Variants in DAB1 observed in about 807,000 individuals in gnomAD.
DAB1 encodes disabled homolog 1.
DAB1 carries 15 observed loss-of-function variants against 64.6 expected under a neutral mutation model. The ratio of observed to expected loss-of-function variants is 0.23; its 90% CI spans 0.16 to 0.36. The LOEUF is 0.36. DAB1 is among the 10% of genes least tolerant of loss of function. The pLI is 1.00. For synonymous variants in DAB1, 235 were observed against 251.9 expected (o/e 0.93, Z 0.64); for missense variants, 596 against 706.7 (o/e 0.84, Z 1.78).
chr1:57,528,426 G>T (rs1286753482), intron 7 of DAB1, among the ~76,000 whole-genome samples: 1 of 152,076 alleles, frequency 6.6e-6, no homozygotes, highest in East Asian at 1.9e-4. Flanking sequence ...ATTTCAGAAT[G>T]AGAGGAGAGA....
intron 7 of DAB1, among the ~76,000 whole-genome samples, chr1:57,573,395 T>C (rs997162536): frequency 6.6e-6 from 1 of 152,194 alleles, no homozygotes. Context: ...CCTGACCTCA[T>C]TATAATTAAT....
intron 4 of DAB1, among the ~76,000 whole-genome samples, chr1:58,287,297 C>T (rs1661707275): frequency 6.6e-6 from 1 of 152,090 alleles, no homozygotes; most frequent in African/African-American, 2.4e-5. Flanking sequence ...CATACATAGG[C>T]AATCCTGCAC....
intron 5 of DAB1, among the ~76,000 whole-genome samples, chr1:57,998,714 G>A (rs185569242): frequency 8.5e-5 from 13 of 152,288 alleles, no homozygotes; most frequent in Admixed American, 2.0e-4. Flanking sequence ...AGGAATTAAC[G>A]TACACATGTA....
intron 5 of DAB1, among the ~76,000 whole-genome samples, chr1:58,013,362 T>A (rs1033225800): frequency 3.3e-5 from 5 of 152,084 alleles, no homozygotes; most frequent in African/African-American, 1.2e-4. Context: ...GGATCTCAGG[T>A]ACAGAGACAG....
At chr1:58,462,163 A>T (rs1391036532) in intron 3 of DAB1, among the ~76,000 whole-genome samples, 2 of 123,336 alleles carry the variant, frequency 1.6e-5, no homozygotes, top group Non-Finnish European at 3.1e-5. Context: ...TCTGTCGCCC[A>T]GGCCGGACTG....
chr1:57,639,508 A>G (rs1010630724), intron 7 of DAB1, among the ~76,000 whole-genome samples: 2 of 152,138 alleles, frequency 1.3e-5, no homozygotes, highest in African/African-American at 4.8e-5. Context: ...GCCTTTTCAT[A>G]TTTGTAATTG....
chr1:58,487,882 C>T (rs966314615), intron 3 of DAB1, among the ~76,000 whole-genome samples: 1 of 151,942 alleles, frequency 6.6e-6, no homozygotes, highest in Non-Finnish European at 1.5e-5. Flanking sequence ...CCAAATATTT[C>T]AGTTTTCTTG....
intron 2 of DAB1, among the ~76,000 whole-genome samples, chr1:57,156,705 T>C (rs1433674887): frequency 2.0e-5 from 3 of 152,176 alleles, no homozygotes; most frequent in Non-Finnish European, 2.9e-5. Context: ...ATCACACTCA[T>C]AGTCATTTTA....
At chr1:58,484,767 T>A (rs937364520) in intron 3 of DAB1, among the ~76,000 whole-genome samples, 1 of 152,148 alleles carries the variant, frequency 6.6e-6, no homozygotes, top group Non-Finnish European at 1.5e-5. Context: ...TGAAAAGATA[T>A]GAGGAACCTT....
At chr1:57,357,943 C>T (rs553734668) in intron 1 of DAB1, among the ~76,000 whole-genome samples, 3 of 152,092 alleles carry the variant, frequency 2.0e-5, no homozygotes, top group East Asian at 3.9e-4. Context: ...TGGGTGGAGA[C>T]ACAGGCAAAC....
At chr1:57,717,208 G>A (rs1647094248) in intron 6 of DAB1, among the ~76,000 whole-genome samples, 1 of 151,720 alleles carries the variant, frequency 6.6e-6, no homozygotes, top group Non-Finnish European at 1.5e-5. Flanking sequence ...TTGCACTCCA[G>A]CCTGGGCGAC....
At chr1:57,078,941 A>G (rs1286031523) in intron 4 of DAB1, among the ~76,000 whole-genome samples, 1 of 152,244 alleles carries the variant, frequency 6.6e-6, no homozygotes, top group Non-Finnish European at 1.5e-5. Context: ...AATGTTGAGC[A>G]TTAGCTGACT....
intron 1 of DAB1, among the ~76,000 whole-genome samples, chr1:57,369,250 C>T (rs1680301895): frequency 2.6e-5 from 4 of 152,120 alleles, no homozygotes; most frequent in Admixed American, 2.6e-4. Context: ...AGAGTTTAAT[C>T]AATGAGAGTA....
At chr1:58,213,774 C>A (rs1267247787) in intron 4 of DAB1, among the ~76,000 whole-genome samples, 1 of 152,136 alleles carries the variant, frequency 6.6e-6, no homozygotes, top group African/African-American at 2.4e-5. Context: ...CCACTTTGTG[C>A]TTTCCTAAAT....
chr1:57,916,102 C>T (rs1255938738), intron 5 of DAB1, among the ~76,000 whole-genome samples: 1 of 152,160 alleles, frequency 6.6e-6, no homozygotes, highest in Non-Finnish European at 1.5e-5. Context: ...AGTCACTCTC[C>T]CTGGCGGGTG....
intron 1 of DAB1, among the ~76,000 whole-genome samples, chr1:57,418,273 A>G (rs1477249752): frequency 6.6e-6 from 1 of 152,182 alleles, no homozygotes; most frequent in Non-Finnish European, 1.5e-5. Context: ...AATTATTTTC[A>G]GTTGCAACAC....
intron 4 of DAB1, among the ~76,000 whole-genome samples, chr1:58,171,878 G>GC (rs1194071742): frequency 6.6e-6 from 1 of 152,202 alleles, no homozygotes; most frequent in Non-Finnish European, 1.5e-5. Flanking sequence ...TAGGTTGAAG[G>GC]CCCAGCTTTG....
chr1:58,124,219 T>C (rs368798767), intron 5 of DAB1, among the ~76,000 whole-genome samples: 14 of 151,092 alleles, frequency 9.3e-5, no homozygotes, highest in East Asian at 3.9e-4. Context: ...CACACACACA[T>C]ATATATATAT....
downstream of DAB1, among the ~76,000 whole-genome samples, chr1:57,825,913 C>T (rs192919309): frequency 1.8e-4 from 27 of 152,256 alleles, no homozygotes; most frequent in African/African-American, 6.0e-4. Context: ...TCTCATTCCG[C>T]CCTCCCAGAA....
Sources: gnomAD v4.1 joint callset for allele counts (sites outside exome capture counted in the v4.1 genomes callset) on GRCh38, gnomAD v4.1.1 for gene constraint, MANE v1.5 for transcripts, NCBI Gene and HGNC (gene_info 2026-07-23, HGNC 2026-07-21) for gene names.